Variants in CSNK2A2IP observed in about 807,000 individuals in gnomAD.
The protein encoded by CSNK2A2IP is casein kinase II subunit alpha'-interacting protein.
the CSNK2A2IP span, among the ~76,000 whole-genome samples, chr3:88,374,968 TA>T: frequency 6.6e-6 from 1 of 151,692 alleles, no homozygotes; most frequent in African/African-American, 2.4e-5. Flanking sequence ...AAATTATCAG[TA>T]TATAGTCTAT....
the CSNK2A2IP span, among the ~76,000 whole-genome samples, chr3:88,371,838 T>A: frequency 6.6e-6 from 1 of 151,686 alleles, no homozygotes; most frequent in African/African-American, 2.4e-5. Flanking sequence ...CAGGGGACTA[T>A]GATAAAATTA....
chr3:88,427,195 A>G, the CSNK2A2IP span, among the ~76,000 whole-genome samples: 3 of 152,280 alleles, frequency 2.0e-5, no homozygotes, highest in East Asian at 3.9e-4. Context: ...ACTGGAGTAA[A>G]GGTGACTCTT....
chr3:88,355,361 C>A, the CSNK2A2IP span, among the ~76,000 whole-genome samples: 1 of 152,136 alleles, frequency 6.6e-6, no homozygotes, highest in East Asian at 1.9e-4. Flanking sequence ...CTCTTACACC[C>A]AGGCAAATGG....
chr3:88,445,275 C>CAAAAAAAAAA, the CSNK2A2IP span, among the ~76,000 whole-genome samples: 2,131 of 47,630 alleles, frequency 0.045, 321 homozygotes, highest in South Asian at 0.064. Context: ...GTAAAAATAC[C>CAAAAAAAAAA]AAAAAAAAAA....
At chr3:88,434,901 G>T in the CSNK2A2IP span, among the ~76,000 whole-genome samples, 6 of 152,104 alleles carry the variant, frequency 3.9e-5, no homozygotes, top group Admixed American at 3.9e-4. Context: ...GAGATCCCAA[G>T]GCTGAGTGAT....
the CSNK2A2IP span, among the ~76,000 whole-genome samples, chr3:88,460,207 G>T: frequency 3.3e-5 from 5 of 151,582 alleles, no homozygotes; most frequent in Non-Finnish European, 5.9e-5. Context: ...TAGCCTCATT[G>T]AATTTTCTCC....
the CSNK2A2IP span, among the ~76,000 whole-genome samples, chr3:88,397,666 T>C: frequency 6.6e-6 from 1 of 152,104 alleles, no homozygotes; most frequent in Non-Finnish European, 1.5e-5. Context: ...TTATAGTATT[T>C]ATATTCATAA....
the CSNK2A2IP span, among the ~76,000 whole-genome samples, chr3:88,442,427 A>G: frequency 6.6e-6 from 1 of 152,160 alleles, no homozygotes; most frequent in Non-Finnish European, 1.5e-5. Flanking sequence ...ATAGGTTCTC[A>G]TAGACAAGAA....
the CSNK2A2IP span, among the ~76,000 whole-genome samples, chr3:88,422,612 C>T: frequency 7.9e-5 from 12 of 152,134 alleles, no homozygotes; most frequent in Non-Finnish European, 1.5e-4. Flanking sequence ...GCACATGTAA[C>T]TAAGCTTTTA....
the CSNK2A2IP span, among the ~76,000 whole-genome samples, chr3:88,369,040 C>T: frequency 2.0e-5 from 3 of 152,058 alleles, no homozygotes; most frequent in South Asian, 2.1e-4. Context: ...GAACCCTATA[C>T]TCCCCACAAT....
chr3:88,417,092 A>G, the CSNK2A2IP span, among the ~76,000 whole-genome samples: 1 of 133,888 alleles, frequency 7.5e-6, no homozygotes, highest in Non-Finnish European at 1.7e-5. Flanking sequence ...GACACTGATG[A>G]GATAACATGA....
At chr3:88,440,667 G>A in the CSNK2A2IP span, among the ~76,000 whole-genome samples, 3 of 152,162 alleles carry the variant, frequency 2.0e-5, no homozygotes, top group Non-Finnish European at 4.4e-5. Context: ...CGTTGGAATT[G>A]TTTCTGTTTT....
chr3:88,406,017 A>G, the CSNK2A2IP span, among the ~76,000 whole-genome samples: 3 of 152,166 alleles, frequency 2.0e-5, no homozygotes, highest in Non-Finnish European at 2.9e-5. Context: ...CACTAAGATT[A>G]TCTTCTGGTT....
At chr3:88,339,439 G>A in the CSNK2A2IP span, among the ~76,000 whole-genome samples, 2 of 151,744 alleles carry the variant, frequency 1.3e-5, no homozygotes, top group African/African-American at 2.4e-5. Flanking sequence ...TGATCTATTT[G>A]TCCACTGATG....
At chr3:88,340,196 G>A in the CSNK2A2IP span, among the ~76,000 whole-genome samples, 8 of 151,996 alleles carry the variant, frequency 5.3e-5, no homozygotes, top group South Asian at 1.7e-3. Flanking sequence ...GGGTACGGAG[G>A]TGTATATTCT....
the CSNK2A2IP span, among the ~76,000 whole-genome samples, chr3:88,375,319 C>T: frequency 4.6e-5 from 7 of 151,746 alleles, no homozygotes; most frequent in Non-Finnish European, 1.0e-4. Flanking sequence ...GCTGATCTCC[C>T]GGAAGATTTG....
chr3:88,384,797 G>A, the CSNK2A2IP span, among the ~76,000 whole-genome samples: 1 of 152,146 alleles, frequency 6.6e-6, no homozygotes, highest in Non-Finnish European at 1.5e-5. Flanking sequence ...AGAAACAAGA[G>A]AAGTGGGCAG....
the CSNK2A2IP span, among the ~76,000 whole-genome samples, chr3:88,386,649 G>A: frequency 5.9e-5 from 9 of 152,280 alleles, no homozygotes; most frequent in Admixed American, 5.2e-4. Context: ...CAAATTGGTG[G>A]GGTTAATCGT....
chr3:88,355,580 T>G, the CSNK2A2IP span, among the ~76,000 whole-genome samples: 1 of 152,198 alleles, frequency 6.6e-6, no homozygotes, highest in Non-Finnish European at 1.5e-5. Context: ...GATATGTAGT[T>G]TCAAAATTGT....
Sources: allele counts gnomAD v4.1 joint callset (sites outside exome capture counted in the v4.1 genomes callset), GRCh38; gene constraint gnomAD v4.1.1; transcripts MANE v1.5; gene names NCBI Gene and HGNC (gene_info 2026-07-23, HGNC 2026-07-21).